The following P3H2 variants were observed in gnomAD, a reference collection of about 807,000 sequenced individuals.
The protein encoded by P3H2 is leprecan-like 1.
Under a neutral mutation model 87.0 loss-of-function variants are expected in P3H2, and 80 were observed. The ratio of observed to expected loss-of-function variants is 0.92; its 90% CI spans 0.77 to 1.11. P3H2 has a LOEUF of 1.11. Among genes scored for constraint, P3H2 ranks in the 50% least tolerant of loss-of-function variants. The pLI is 0.00. For synonymous variants in P3H2, 367 were observed against 359.3 expected (o/e 1.02, Z -0.24); for missense variants, 1,001 against 923.9 (o/e 1.08, Z -1.08).
intron 1 of P3H2, among the ~76,000 whole-genome samples, chr3:190,117,859 G>C (rs1384411315): frequency 6.6e-6 from 1 of 152,140 alleles, no homozygotes; most frequent in Non-Finnish European, 1.5e-5. Flanking sequence ...TTCTTCTTAA[G>C]AGATTATCAA....
At chr3:190,029,588 A>G (rs1351226270) in intron 1 of P3H2, among the ~76,000 whole-genome samples, 1 of 152,214 alleles carries the variant, frequency 6.6e-6, no homozygotes, top group African/African-American at 2.4e-5. Flanking sequence ...ATTAAATATT[A>G]AAGCAATCTT....
intron 1 of P3H2, among the ~76,000 whole-genome samples, chr3:190,053,320 T>C (rs956477562): frequency 4.6e-5 from 7 of 152,162 alleles, no homozygotes; most frequent in South Asian, 2.1e-4. Context: ...GATTGTAAAA[T>C]TGGATTTTCT....
At position 190,120,780 on chromosome 3, in the gene P3H2, G is replaced by A. The variant is rs1319104523; in HGVS notation, c.-49C>T. On this transcript the variant is annotated 5_prime_UTR_variant, in exon 1 of 15. Coordinates refer to ENST00000319332, the MANE Select transcript of P3H2 (RefSeq NM_018192.4). Reference sequence around the variant, plus strand: ...ACGGTTACGCTCGAGAGGGCTTCGGGGCACCTCGCGTCCGGGTCCCCTCTC... The same window carrying A: ...ACGGTTACGCTCGAGAGGGCTTCGGAGCACCTCGCGTCCGGGTCCCCTCTC... The A allele has an allele frequency of 7.3e-6, 11 of 1,502,816 alleles. No individual in the cohort carries two copies. Among genetic ancestry groups the A allele is most frequent in the Non-Finnish European group, 8.0e-6 (9 of 1,131,736 alleles). The allele number at this position is 1,502,816 out of a possible 1,614,324, so 93.1% of individuals were successfully genotyped here. A position where few individuals can be genotyped will look rare whatever the true frequency, so the allele number is the denominator to read the frequency against.
At chr3:190,041,920 G>A (rs1725649631) in intron 1 of P3H2, among the ~76,000 whole-genome samples, 1 of 152,114 alleles carries the variant, frequency 6.6e-6, no homozygotes. Flanking sequence ...TACCCAGTTT[G>A]TTTATTTTTC....
intron 1 of P3H2, among the ~76,000 whole-genome samples, chr3:190,073,882 C>G (rs370530951): frequency 1.3e-5 from 2 of 152,172 alleles, no homozygotes; most frequent in African/African-American, 4.8e-5. Context: ...GCTGTGTGAA[C>G]TTTGCCTGAA....
intron 1 of P3H2, among the ~76,000 whole-genome samples, chr3:190,097,080 T>C (rs1022489363): frequency 3.3e-5 from 5 of 152,148 alleles, no homozygotes; most frequent in African/African-American, 1.2e-4. Context: ...AACCTCCGAT[T>C]TCTCACAGGG....
At chr3:190,117,346 T>C (rs1712329538) in intron 1 of P3H2, among the ~76,000 whole-genome samples, 1 of 152,132 alleles carries the variant, frequency 6.6e-6, no homozygotes, top group African/African-American at 2.4e-5. Flanking sequence ...CAGCAGGATT[T>C]GGGGGAGCAG....
rs191715036 is a variant in P3H2, at chr3:189,979,476, T to C, written c.1324+3570A>G. Among the ~76,000 whole-genome samples the C allele has an allele frequency of 5.9e-5, 9 of 152,022 alleles. No individual in the cohort carries two copies. The East Asian group carries it at 1.7e-3, about 29-fold the overall frequency. On this transcript the variant is annotated intron_variant, in intron 8 of 14. Transcript: ENST00000319332. ...TTTTATGTTTACCATCTTAAAACAG[T>C]TACTATCCTTCTTTTATAGATAAAA...
chr3:190,030,014 G>GAAAAAAAAAAAAAAAAAAA (rs1034827657), intron 1 of P3H2, among the ~76,000 whole-genome samples: 1 of 138,694 alleles, frequency 7.2e-6, no homozygotes, highest in African/African-American at 2.6e-5. Context: ...AAAAAAAAAA[G>GAAAAAAAAAAAAAAAAAAA]AAAAAAAAAG....
intron 1 of P3H2, among the ~76,000 whole-genome samples, chr3:190,114,907 A>C (rs1358724523): frequency 6.6e-6 from 1 of 152,228 alleles, no homozygotes; most frequent in African/African-American, 2.4e-5. Context: ...AAATTCAGGA[A>C]AGCATTTTTA....
At chr3:189,974,473 G>T in intron 9 of P3H2, 85 bp downstream of exon 9, 2 of 1,553,568 alleles carry the variant, frequency 1.3e-6, no homozygotes, top group Non-Finnish European at 1.8e-6. Context: ...CTTGTTGTCT[G>T]GCTCCAGATG....
chr3:190,005,094 ATTTCTG>A (rs1724346141), intron 1 of P3H2, among the ~76,000 whole-genome samples: 1 of 152,232 alleles, frequency 6.6e-6, no homozygotes, highest in Non-Finnish European at 1.5e-5. Flanking sequence ...TTAACTATGG[ATTTCTG>A]TTTCTAAGAT....
intron 2 of P3H2, 111 bp downstream of exon 2, chr3:189,995,179 A>G (rs1394421599): frequency 3.2e-5 from 33 of 1,017,118 alleles, no homozygotes; most frequent in Non-Finnish European, 4.7e-5. Context: ...TGTTACTAAA[A>G]TTTGAGAATA....
chr3:190,034,853 C>CTTTTTT (rs58325211), intron 1 of P3H2, among the ~76,000 whole-genome samples: 5 of 140,256 alleles, frequency 3.6e-5, no homozygotes, highest in Non-Finnish European at 6.1e-5. Context: ...CTTTTCTTTT[C>CTTTTTT]TTTTTTTTTT....
At chr3:189,998,717 T>A (rs184278248) in intron 1 of P3H2, among the ~76,000 whole-genome samples, 16 of 152,344 alleles carry the variant, frequency 1.1e-4, no homozygotes, top group Admixed American at 2.6e-4. Context: ...TGTAATAAGT[T>A]CAAAGGTATA....
chr3:189,983,271 T>C, intron 7 of P3H2, 131 bp from the exon 8 acceptor site: 1 of 697,884 alleles, frequency 1.4e-6, no homozygotes, highest in Non-Finnish European at 2.4e-6. Flanking sequence ...ACCTGTCTTT[T>C]AAAGTCAAAT....
chr3:189,958,747 A>G (rs1475967718), intron 14 of P3H2, among the ~76,000 whole-genome samples: 1 of 126,644 alleles, frequency 7.9e-6, no homozygotes, highest in Admixed American at 1.0e-4. Context: ...CTTGTTGCCC[A>G]GGCTGGAGTC....
rs527324799 is a variant in P3H2, at chr3:190,067,601, G to A, written c.480+52651C>T. On this transcript the variant is annotated intron_variant, in intron 1 of 14. Coordinates refer to ENST00000319332, the MANE Select transcript of P3H2 (RefSeq NM_018192.4). ...ACTCTCTGGTATATTAATTTAAAAC[G>A]AATCTCCTCTTCACCTCCCCTCCAG... Among the ~76,000 whole-genome samples the A allele has an allele frequency of 2.6e-5, 4 of 152,044 alleles. No individual in the cohort carries two copies. In the East Asian group the frequency reaches 5.8e-4, roughly 22 times the overall value.
chr3:190,088,681 G>A (rs552100329), intron 1 of P3H2, among the ~76,000 whole-genome samples: 8 of 152,202 alleles, frequency 5.3e-5, no homozygotes, highest in Admixed American at 1.3e-4. Context: ...TAATAGTTAC[G>A]GGCTTGTGAG....
Sources: allele counts gnomAD v4.1 joint callset (sites outside exome capture counted in the v4.1 genomes callset), GRCh38; gene constraint gnomAD v4.1.1; transcripts MANE v1.5; gene names NCBI Gene and HGNC (gene_info 2026-07-23, HGNC 2026-07-21).